The following ZNF337 variants were observed in gnomAD, a reference collection of about 807,000 sequenced individuals.
ZNF337 encodes zinc finger protein 337.
A neutral mutation model predicts 12.1 loss-of-function variants in ZNF337; 8 were observed. The ratio of observed to expected loss-of-function variants is 0.66; its 90% CI spans 0.39 to 1.19. ZNF337 has a LOEUF of 1.19. Among genes scored for constraint, ZNF337 ranks in the 50% most tolerant of loss-of-function variants. The pLI is 0.01. For synonymous variants in ZNF337, 336 were observed against 320.0 expected (o/e 1.05, Z -0.53); for missense variants, 882 against 896.6 (o/e 0.98, Z 0.21).
At position 25,689,689 on chromosome 20, in the gene ZNF337, T is replaced by C. The variant is rs6107069; in HGVS notation, c.-49-3223A>G. Among the ~76,000 whole-genome samples, 226 of 152,308 alleles carry C rather than the reference T, an allele frequency of 1.5e-3. 2 individuals carry two copies. The highest frequency in any genetic ancestry group is 5.4e-3 in the African/African-American group (224 of 41,562). ...AAAATAACAAGACATCTGGATTTGT[T>C]TGAAATACTTTGGCACATAAACAGG... On this transcript the variant is annotated intron_variant, in intron 1 of 4. Coordinates refer to ENST00000252979, the MANE Select transcript of ZNF337 (RefSeq NM_015655.4).
intron 4 of ZNF337, among the ~76,000 whole-genome samples, chr20:25,681,784 T>C (rs1341437112): frequency 1.3e-5 from 2 of 152,220 alleles, no homozygotes; most frequent in Non-Finnish European, 2.9e-5. Flanking sequence ...TTATGCATCT[T>C]ATATAAATCC....
rs1321198109 is a variant in ZNF337, at chr20:25,676,495, G to T, written c.793C>A (p.Leu265Met). ...TAGCCTCGTCCACACACCTTGCACA[G>T]AAAAGGCTTCTCTCCTGAGTGTGTC... ...QRTHSGEKPF[L>M]CKVCGRGYTS... Residue 265 changes from leucine (L) to methionine (M), a missense_variant, in exon 5 of 5, where the codon CTG becomes ATG. By Grantham distance (15) the Leu-to-Met change is conservative. Transcript: ENST00000252979. The T allele has an allele frequency of 1.3e-6, 2 of 1,598,778 alleles. No homozygotes were observed. Among genetic ancestry groups the T allele is most frequent in the Admixed American group, 3.5e-5 (2 of 57,310 alleles).
intron 1 of ZNF337, among the ~76,000 whole-genome samples, chr20:25,689,305 A>G (rs2065864099): frequency 1.3e-5 from 2 of 151,584 alleles, no homozygotes; most frequent in South Asian, 4.1e-4. Context: ...CTCCGCATCA[A>G]GAAAAAAAAA....
At chr20:25,683,903 C>T (rs1222481291) in intron 4 of ZNF337, among the ~76,000 whole-genome samples, 6 of 151,994 alleles carry the variant, frequency 3.9e-5, no homozygotes, top group Admixed American at 2.0e-4. Context: ...CACATGCACA[C>T]GTATGTTTAT....
In ZNF337 at chr20:25,676,183, T is replaced by C; in HGVS notation, c.1105A>G (p.Thr369Ala). Residue 369 changes from threonine to alanine, a missense_variant, in exon 5 of 5, where the codon ACA (threonine) becomes GCA (alanine). Physicochemically the swap from Thr to Ala is moderately conservative, Grantham distance 58. Transcript: ENST00000252979. ...NKSHLITHQR[T>A]HSGEKPFACR... is the part of the protein sequence containing the mutation. ...GCAAAGGGCTTCTCCCCTGAGTGTG[T>C]CCTCTGGTGTGTGATAAGGTGTGAC... 1.9e-6 allele frequency: 3 copies of C among 1,614,106 alleles called. No individual in the cohort carries two copies. Among genetic ancestry groups the C allele is most frequent in the Non-Finnish European group, 2.5e-6 (3 of 1,179,996 alleles).
intron 4 of ZNF337, 66 bp downstream of exon 4, chr20:25,685,501 G>T: frequency 7.1e-7 from 1 of 1,405,972 alleles, no homozygotes; most frequent in Non-Finnish European, 1.0e-6. Flanking sequence ...CCTGGCCTCA[G>T]AGAAGCCTCC....
chr20:25,691,425 G>C (rs1217872154), intron 1 of ZNF337, among the ~76,000 whole-genome samples: 1 of 152,138 alleles, frequency 6.6e-6, no homozygotes, highest in African/African-American at 2.4e-5. Context: ...AATCTACAAG[G>C]CCAGCACACT....
chr20:25,689,544 C>T (rs1455104646), intron 1 of ZNF337, among the ~76,000 whole-genome samples: 1 of 152,034 alleles, frequency 6.6e-6, no homozygotes, highest in African/African-American at 2.4e-5. Context: ...TGATAAGTGA[C>T]CTGTGTATAC....
In ZNF337 at chr20:25,676,180, G is replaced by C; in HGVS notation, c.1108C>G (p.His370Asp). ...CACGCAAAGGGCTTCTCCCCTGAGT[G>C]TGTCCTCTGGTGTGTGATAAGGTGT... ...KSHLITHQRT[H>D]SGEKPFACRQ... is the part of the protein sequence containing the mutation. The change falls in exon 5 of 5, where the codon CAC (histidine) becomes GAC (aspartate). Residue 370 changes from histidine to aspartate, a missense_variant. Coordinates refer to ENST00000252979, the MANE Select transcript of ZNF337 (RefSeq NM_015655.4). The C allele has an allele frequency of 6.2e-7, 1 of 1,614,194 alleles. No individual in the cohort carries two copies. The highest frequency in any genetic ancestry group is 8.5e-7 in the Non-Finnish European group (1 of 1,180,042).
rs898588102 is a variant in ZNF337, at chr20:25,686,318, G to A, written c.27+73C>T. 3 of 1,494,566 alleles carry A rather than the reference G, an allele frequency of 2.0e-6. No homozygotes were observed. In the African/African-American group the frequency reaches 4.2e-5, roughly 21 times the overall value. The allele number at this position is 1,494,566 out of a possible 1,614,324, so 92.6% of individuals were successfully genotyped here. On this transcript the variant is annotated intron_variant, in intron 2 of 4. Coordinates refer to ENST00000252979, the MANE Select transcript of ZNF337 (RefSeq NM_015655.4). ...CTGGCCTTGGTCCTGTGCTAATAAT[G>A]TAACTGCTAGGGCCAGTGAAGGAAA...
chr20:25,684,997 G>A (rs954429631), intron 4 of ZNF337, among the ~76,000 whole-genome samples: 3 of 151,920 alleles, frequency 2.0e-5, no homozygotes, highest in Admixed American at 1.3e-4. Flanking sequence ...GCAGGGGAGA[G>A]GATAGCATTA....
intron 1 of ZNF337, among the ~76,000 whole-genome samples, chr20:25,693,230 C>A (rs1221719079): frequency 1.3e-5 from 2 of 152,182 alleles, no homozygotes; most frequent in Non-Finnish European, 2.9e-5. Flanking sequence ...GCGTGAGCCA[C>A]CATGCCTGGC....
chr20:25,692,367 T>A (rs2065888696), intron 1 of ZNF337, among the ~76,000 whole-genome samples: 1 of 152,110 alleles, frequency 6.6e-6, no homozygotes, highest in South Asian at 2.1e-4. Context: ...ACAAAAATAG[T>A]CCTCAGAGAA....
chr20:25,678,253 A>T (rs1162371365), intron 4 of ZNF337, among the ~76,000 whole-genome samples: 1 of 152,232 alleles, frequency 6.6e-6, no homozygotes, highest in Non-Finnish European at 1.5e-5. Context: ...AATAATAACT[A>T]GGTGAAAAAG....
chr20:25,683,395 G>C (rs2065790913), intron 4 of ZNF337, among the ~76,000 whole-genome samples: 1 of 151,986 alleles, frequency 6.6e-6, no homozygotes. Flanking sequence ...GTGACCTCTG[G>C]CAACAGTAGT....
At chr20:25,684,780 G>A (rs1479953125) in intron 4 of ZNF337, among the ~76,000 whole-genome samples, 1 of 152,182 alleles carries the variant, frequency 6.6e-6, no homozygotes, top group East Asian at 1.9e-4. Flanking sequence ...ATATACCATA[G>A]AATACTATGT....
chr20:25,678,586 T>G (rs971444466), intron 4 of ZNF337, among the ~76,000 whole-genome samples: 3 of 152,118 alleles, frequency 2.0e-5, no homozygotes, highest in Non-Finnish European at 4.4e-5. Flanking sequence ...GTGGGAGGCA[T>G]CATACTACCT....
chr20:25,686,176 T>C (rs373050897), intron 2 of ZNF337, 54 bp from the exon 3 acceptor site: 53 of 1,608,698 alleles, frequency 3.3e-5, no homozygotes, highest in Non-Finnish European at 4.0e-5. Context: ...ACTCACGCAG[T>C]TGGAGGATTC....
intron 4 of ZNF337, among the ~76,000 whole-genome samples, chr20:25,684,771 T>C (rs2065807849): frequency 6.6e-6 from 1 of 152,202 alleles, no homozygotes; most frequent in Admixed American, 6.5e-5. Context: ...GTGGCACATA[T>C]ATACCATAGA....
Sources: gnomAD v4.1 joint callset for allele counts (sites outside exome capture counted in the v4.1 genomes callset) on GRCh38, gnomAD v4.1.1 for gene constraint, MANE v1.5 for transcripts, NCBI Gene and HGNC (gene_info 2026-07-23, HGNC 2026-07-21) for gene names.